MMP24: variants seen among roughly 807,000 people sequenced by gnomAD.
MMP24 encodes matrix metallopeptidase 24, also known as matrix metalloproteinase-24.
MMP24 carries 25 observed loss-of-function variants against 62.8 expected under a neutral mutation model. That is an observed-to-expected ratio of 0.40 (90% CI 0.29 to 0.56). MMP24 has a LOEUF of 0.56. MMP24 is among the 20% of genes least tolerant of loss of function. The probability of loss-of-function intolerance (pLI) is 0.50; values close to 1 mark genes in which losing one functional copy is unlikely to be tolerated. For synonymous variants in MMP24, 319 were observed against 350.5 expected, an observed-to-expected ratio of 0.91 and a Z score of 1.00; for missense variants, 634 against 853.6, an observed-to-expected ratio of 0.74 and a Z score of 3.21.
intron 4 of MMP24, among the ~76,000 whole-genome samples, chr20:35,260,214 C>T (rs1432866453): frequency 6.6e-6 from 1 of 152,218 alleles, no homozygotes; most frequent in African/African-American, 2.4e-5. Context: ...CCTGCTCCCT[C>T]TGTCTCCCCC....
intron 4 of MMP24, among the ~76,000 whole-genome samples, chr20:35,260,186 G>A (rs922082222): frequency 1.2e-4 from 18 of 152,126 alleles, no homozygotes; most frequent in Admixed American, 9.8e-4. Flanking sequence ...CAAGCTCAGG[G>A]AGTCCTCCTG....
At chr20:35,235,363 C>G (rs776048748) in intron 1 of MMP24, among the ~76,000 whole-genome samples, 7 of 152,108 alleles carry the variant, frequency 4.6e-5, no homozygotes, top group African/African-American at 9.7e-5. Flanking sequence ...GAGATTGTAC[C>G]ACTGCACTGC....
chr20:35,251,974 C>T lies in MMP24; in HGVS notation c.465C>T (p.Arg155=), dbSNP rs2060549961. 1 of 1,614,052 alleles carries T rather than the reference C, an allele frequency of 6.2e-7. No homozygotes were observed. The highest frequency in any genetic ancestry group is 8.5e-7 in the Non-Finnish European group (1 of 1,179,892). ...TAAGCCGTAGGCGGAGAAACAAGCGCTATGCCCTGACTGGACAGAAGTGGA... is the reference window on the plus strand; with the variant it reads ...TAAGCCGTAGGCGGAGAAACAAGCGTTATGCCCTGACTGGACAGAAGTGGA... The part of the protein sequence containing the change: ...PHLSRRRRNK[R]YALTGQKWRQ... Residue 155 remains arginine (R), a synonymous_variant, in exon 3 of 9, where the codon CGC becomes CGT. Transcript: ENST00000246186.
intron 1 of MMP24, among the ~76,000 whole-genome samples, chr20:35,241,492 C>A (rs2060488169): frequency 1.3e-5 from 2 of 152,116 alleles, no homozygotes; most frequent in Admixed American, 1.3e-4. Flanking sequence ...TTAGAGAATA[C>A]ACTAATACTG....
rs1367750711 is a variant in MMP24, at chr20:35,251,941, C to T, written c.432C>T (p.His144=). Residue 144 remains histidine (H), a synonymous_variant, in exon 3 of 9, where the codon CAC becomes CAT. Coordinates refer to ENST00000246186, the MANE Select transcript of MMP24 (RefSeq NM_006690.4). ...AACCCCGATGTGGTGTCCCTGATCA[C>T]CCCCACTTAAGCCGTAGGCGGAGAA... ...MKKPRCGVPD[H]PHLSRRRRNK... 6.2e-7 allele frequency: 1 copy of T among 1,614,008 alleles called. No homozygotes were observed. The highest frequency in any genetic ancestry group is 8.5e-7 in the Non-Finnish European group (1 of 1,179,886).
intron 5 of MMP24, among the ~76,000 whole-genome samples, chr20:35,264,733 A>G (rs2060623257): frequency 6.6e-6 from 1 of 150,960 alleles, no homozygotes. Flanking sequence ...AAAAAAAAAA[A>G]AAAAAGAAAG....
Position 35,269,848 on chromosome 20 carries a change from G to C in MMP24, c.1283G>C (p.Arg428Pro). 1.9e-6 allele frequency: 3 copies of C among 1,554,198 alleles called. No individual in the cohort carries two copies. Among genetic ancestry groups the C allele is most frequent in the Non-Finnish European group, 2.6e-6 (3 of 1,148,550 alleles). Residue 428 changes from arginine to proline, a missense_variant, in exon 7 of 9, where the codon CGC (arginine) becomes CCC (proline). Physicochemically the swap from Arg to Pro is moderately radical, Grantham distance 103. Around this residue, in one of 3 missense-constraint regions of MMP24, gnomAD observed 399 missense variants for 530.8 expected, o/e 0.75. Transcript: ENST00000246186. The surrounding 1 kb of genome is among the most constrained non-coding windows in gnomAD (Gnocchi z 4.6). ...IEQFWKGLPA[R>P]IDAAYERADG... ...CAGTTCTGGAAGGGCCTGCCTGCCC[G>C]CATCGACGCAGCCTATGAAAGGGCC...
chr20:35,263,140 C>G (rs1168857109), intron 4 of MMP24: 1 of 152,436 alleles, frequency 6.6e-6, no homozygotes, highest in Non-Finnish European at 1.5e-5. Flanking sequence ...TGCCCCAGGT[C>G]TTGTTCCCTC....
intron 1 of MMP24, among the ~76,000 whole-genome samples, chr20:35,230,842 AT>A (rs2060434469): frequency 6.6e-6 from 1 of 152,112 alleles, no homozygotes; most frequent in African/African-American, 2.4e-5. Flanking sequence ...AATTGAAAGC[AT>A]TTTTCATCAT....
chr20:35,245,145 G>GTA (rs2060508072), intron 1 of MMP24, among the ~76,000 whole-genome samples: 2 of 152,134 alleles, frequency 1.3e-5, no homozygotes, highest in Non-Finnish European at 2.9e-5. Flanking sequence ...TCCTGCCTCA[G>GTA]CCTCCCAAGT....
intron 1 of MMP24, among the ~76,000 whole-genome samples, chr20:35,238,210 A>C (rs2060472921): frequency 6.6e-6 from 1 of 152,228 alleles, no homozygotes; most frequent in Non-Finnish European, 1.5e-5. Context: ...TAAATGGGTA[A>C]CATAGTCAAT....
chr20:35,228,194 G>A (rs957415720), intron 1 of MMP24, among the ~76,000 whole-genome samples: 9 of 152,162 alleles, frequency 5.9e-5, no homozygotes, highest in Admixed American at 1.3e-4. Flanking sequence ...CTGAAATTGC[G>A]TACAAATTTG....
chr20:35,253,615 T>A (rs957355503), intron 3 of MMP24, among the ~76,000 whole-genome samples: 2 of 152,084 alleles, frequency 1.3e-5, no homozygotes, highest in African/African-American at 4.8e-5. Flanking sequence ...GGTAGTAACG[T>A]TGTTTTGTGA....
In MMP24 at chr20:35,254,603, CT is replaced by C; in HGVS notation, c.672del (p.Phe224LeufsTer43). 1.2e-6 allele frequency: 2 copies of C among 1,614,176 alleles called. No individual in the cohort carries two copies. The highest frequency in any genetic ancestry group is 1.1e-5 in the South Asian group (1 of 91,082). ...ACCGGAAGGAGGCAGACATCATGAT[CT>C]TTTTTGCTTCTGGTTTCCATGGCGA... is the stretch of plus-strand genomic sequence containing the variant. The part of the protein sequence containing the change: ...SDRKEADIMI[F>X]FASGFHGDSS... On this transcript the variant is annotated frameshift_variant, in exon 4 of 9. Coordinates refer to ENST00000246186, the MANE Select transcript of MMP24 (RefSeq NM_006690.4). LOFTEE classifies it high-confidence loss of function.
At chr20:35,243,199 T>C (rs1486237055) in intron 1 of MMP24, among the ~76,000 whole-genome samples, 1 of 151,680 alleles carries the variant, frequency 6.6e-6, no homozygotes, top group African/African-American at 2.4e-5. Context: ...AAAAAAAATC[T>C]GCTCAGAATG....
rs191147309 is a variant in MMP24, at chr20:35,270,162, G to A, written c.1333+264G>A. On this transcript the variant is annotated intron_variant, in intron 7 of 8. Coordinates refer to ENST00000246186, the MANE Select transcript of MMP24 (RefSeq NM_006690.4). ...GAAGACCACCCAGTACCTCATGGGA[G>A]GCCATCGGGTCAGTTCTGTAAGAAC... Among the ~76,000 whole-genome samples, 3 of 152,362 alleles carry A rather than the reference G, an allele frequency of 2.0e-5. No individual in the cohort carries two copies. In the East Asian group the frequency reaches 5.8e-4, roughly 29 times the overall value.
chr20:35,243,467 G>A (rs555442467), intron 1 of MMP24, among the ~76,000 whole-genome samples: 4 of 152,146 alleles, frequency 2.6e-5, no homozygotes, highest in Non-Finnish European at 5.9e-5. Flanking sequence ...TCAGAGCCTC[G>A]CACAGTGCCT....
chr20:35,273,613 C>G (rs1307134714), intron 8 of MMP24, among the ~76,000 whole-genome samples: 2 of 152,202 alleles, frequency 1.3e-5, no homozygotes, highest in East Asian at 1.9e-4. Context: ...AGGACCGAGA[C>G]CAATGAAAGC....
Position 35,251,946 on chromosome 20 carries a change from A to T in MMP24, c.437A>T (p.His146Leu). 2 of 1,613,986 alleles carry T rather than the reference A, an allele frequency of 1.2e-6. No individual in the cohort carries two copies. The highest frequency in any genetic ancestry group is 1.7e-6 in the Non-Finnish European group (2 of 1,179,886). The change falls in exon 3 of 9, where the codon CAC becomes CTC. Residue 146 changes from histidine (H) to leucine (L), a missense_variant. By Grantham distance (99) the His-to-Leu change is moderately conservative. This residue lies in a region of MMP24 where 212 missense variants were observed against 259.6 expected (regional missense o/e 0.82). Transcript: ENST00000246186. ...CGATGTGGTGTCCCTGATCACCCCC[A>T]CTTAAGCCGTAGGCGGAGAAACAAG... ...KPRCGVPDHP[H>L]LSRRRRNKRY...
Sources: gnomAD v4.1 joint callset for allele counts (sites outside exome capture counted in the v4.1 genomes callset) on GRCh38, gnomAD v4.1.1 for gene constraint, gnomAD v4.1.1 regional missense constraint, Gnocchi (gnomAD v3.1) non-coding constraint, MANE v1.5 for transcripts, NCBI Gene and HGNC (gene_info 2026-07-23, HGNC 2026-07-21) for gene names.